SBNO2: variants seen among roughly 807,000 people sequenced by gnomAD.
SBNO2 encodes the protein protein strawberry notch homolog 2.
Under a neutral mutation model 146.3 loss-of-function variants are expected in SBNO2, and 89 were observed. The observed-to-expected ratio is 0.61, with a 90% confidence interval of 0.51 to 0.73. SBNO2 has a LOEUF of 0.73. Among genes scored for constraint, SBNO2 ranks in the 30% least tolerant of loss-of-function variants. The pLI, the probability that SBNO2 is intolerant of heterozygous loss-of-function variation, is 0.00. For missense variants in SBNO2, 2,092 were observed against 2,003.7 expected (o/e 1.04, Z -0.84); for synonymous variants, 1,147 against 892.6 (o/e 1.29, Z -5.08).
rs1194336545 is a variant in SBNO2, at chr19:1,111,852, G to C, written c.2700+144C>G. ...CCCCTAGAAGCCCCCTTCCCCCCTG[G>C]GGGTCCTAGACCCGGCCCTCCTCCA... On this transcript the variant is annotated intron_variant, in intron 23 of 31. Transcript: ENST00000361757. 4.4e-5 allele frequency: 38 copies of C among 867,616 alleles called. No individual in the cohort carries two copies. In the Admixed American group the frequency reaches 9.6e-4, roughly 22 times the overall value. 53.7% of individuals were successfully genotyped at this position (867,616 alleles called of 1,614,324 possible). A position where few individuals can be genotyped will look rare whatever the true frequency, so the allele number is the denominator to read the frequency against.
In SBNO2 at chr19:1,108,317, TC is replaced by T; in HGVS notation, c.4003del (p.Glu1335ArgfsTer18). On this transcript the variant is annotated frameshift_variant, in exon 32 of 32. Transcript: ENST00000361757. LOFTEE classifies it low-confidence loss of function (END_TRUNC). ...AGPPSEGALGEGAGAGGAAGG... is the reference protein window; with the variant it reads ...AGPPSEGALGXGAGAGGAAGG... ...CGCCGCGCCCCCCGCCCCCGCGCCC[TC>T]CCCCAGCGCGCCCTCGGAGGGCGGC... 1 of 1,413,990 alleles carries T rather than the reference TC, an allele frequency of 7.1e-7. No individual in the cohort carries two copies. The highest frequency in any genetic ancestry group is 9.3e-7 in the Non-Finnish European group (1 of 1,075,812). The allele number at this position is 1,413,990 out of a possible 1,614,324, so 87.6% of individuals were successfully genotyped here.
chr19:1,147,950 G>A (rs770056245), intron 3 of SBNO2, among the ~76,000 whole-genome samples: 9 of 151,848 alleles, frequency 5.9e-5, no homozygotes, highest in East Asian at 1.9e-4. Flanking sequence ...GGGGCCCCCC[G>A]CCCAGGGGCG....
intron 4 of SBNO2, chr19:1,132,273 T>C: frequency 1.5e-6 from 2 of 1,313,168 alleles, no homozygotes; most frequent in Non-Finnish European, 1.9e-6. Flanking sequence ...CATTTGCATG[T>C]CGGTTTAGTC....
intron 4 of SBNO2, among the ~76,000 whole-genome samples, chr19:1,145,642 C>T (rs1046125491): frequency 2.0e-5 from 3 of 152,130 alleles, no homozygotes; most frequent in African/African-American, 7.2e-5. Context: ...ATCAGTCGCA[C>T]CCCGGGCTCC....
At chr19:1,123,133 G>A (rs372964626) in intron 7 of SBNO2, 88 bp from the exon 8 acceptor site, 5 of 1,462,744 alleles carry the variant, frequency 3.4e-6, no homozygotes, top group African/African-American at 2.8e-5. Context: ...GGTCTGGGGC[G>A]TGGCCAGAGC....
In SBNO2 at chr19:1,136,528, CG is replaced by C. The variant is rs1198802231; in HGVS notation, c.280-8764del. ...GGCCCTGGGCGGAGGCTCCTCCTCCCGGGGGGGCTGTGGCCTCAGCACAGAC... is the reference window on the plus strand; with the variant it reads ...GGCCCTGGGCGGAGGCTCCTCCTCCCGGGGGGCTGTGGCCTCAGCACAGAC... On this transcript the variant is annotated intron_variant, in intron 4 of 31. Transcript: ENST00000361757. The surrounding 1 kb of genome is among the most constrained non-coding windows in gnomAD (Gnocchi z 4.2). Among the ~76,000 whole-genome samples, 1 of 152,174 alleles carries C rather than the reference CG, an allele frequency of 6.6e-6. No individual in the cohort carries two copies. Among genetic ancestry groups the C allele is most frequent in the Non-Finnish European group, 1.5e-5 (1 of 68,018 alleles).
intron 24 of SBNO2, 53 bp from the exon 25 acceptor site, chr19:1,111,146 GA>G (rs956522746): frequency 4.2e-5 from 63 of 1,516,632 alleles, no homozygotes; most frequent in Non-Finnish European, 5.2e-5. Flanking sequence ...CCCCTCCCTC[GA>G]AGCCCCTAGC....
chr19:1,154,145 G>A, intron 2 of SBNO2, 39 bp downstream of exon 2: 21 of 1,048,838 alleles, frequency 2.0e-5, no homozygotes, highest in Non-Finnish European at 2.6e-5. Context: ...AGTGCCCGTG[G>A]ACCCCGTCGG....
At position 1,110,258 on chromosome 19, in the gene SBNO2, G is replaced by A. The variant is rs1444064193; in HGVS notation, c.3029-481C>T. On this transcript the variant is annotated intron_variant, in intron 26 of 31. Transcript: ENST00000361757. The surrounding 1 kb of genome is among the most constrained non-coding windows in gnomAD (Gnocchi z 4.9). ...GACCCTCATCTGGACACAGGGAAGT[G>A]GTCCTGATGGACAGGCCTGGCCCCA... Among the ~76,000 whole-genome samples the A allele has an allele frequency of 5.3e-5, 8 of 152,172 alleles. No individual in the cohort carries two copies. Among genetic ancestry groups the A allele is most frequent in the Admixed American group, 5.2e-4 (8 of 15,284 alleles).
At chr19:1,117,567 C>A in intron 14 of SBNO2, 68 bp from the exon 15 acceptor site, 1 of 1,474,134 alleles carries the variant, frequency 6.8e-7, no homozygotes, top group Non-Finnish European at 9.0e-7. Flanking sequence ...CCCCGGCCCA[C>A]CTGCCGCCAG....
rs973802180 is a variant in SBNO2, at chr19:1,140,788, T to G, written c.279+6521A>C. Among the ~76,000 whole-genome samples the G allele has an allele frequency of 3.9e-5, 6 of 151,926 alleles. No homozygotes were observed. The highest frequency in any genetic ancestry group is 1.5e-4 in the African/African-American group (6 of 41,358). On this transcript the variant is annotated intron_variant, in intron 4 of 31. Transcript: ENST00000361757. This position sits in a 1 kb window ranked among gnomAD's most constrained non-coding sequence, Gnocchi z 4.4. ...GGCAGGACCAGCCTCTGCTCAGCCT[T>G]GGGTCTTCCCCCAGGCTGAGAGAAA...
At chr19:1,168,216 C>G (rs538464932) in intron 1 of SBNO2, among the ~76,000 whole-genome samples, 67 of 152,290 alleles carry the variant, frequency 4.4e-4, no homozygotes, top group African/African-American at 1.4e-3. Flanking sequence ...GTGCCCAGAC[C>G]TCAGGGCCAC....
chr19:1,160,601 C>G (rs899757272), intron 1 of SBNO2, among the ~76,000 whole-genome samples: 6 of 151,938 alleles, frequency 3.9e-5, no homozygotes, highest in African/African-American at 1.5e-4. Context: ...GGGGTCTCGG[C>G]TCACTGCAGC....
chr19:1,141,830 G>A (rs1003568506), intron 4 of SBNO2, among the ~76,000 whole-genome samples: 14 of 151,452 alleles, frequency 9.2e-5, no homozygotes, highest in African/African-American at 2.9e-4. Flanking sequence ...ACTATGTTGC[G>A]CAGGCTGGTC....
At chr19:1,161,966 C>G (rs570879127) in intron 1 of SBNO2, among the ~76,000 whole-genome samples, 3 of 141,178 alleles carry the variant, frequency 2.1e-5, no homozygotes, top group Non-Finnish European at 4.6e-5. Context: ...TACAGCTTCC[C>G]CAGCAGCCGG....
rs1478511584 is a variant in SBNO2, at chr19:1,109,274, C to A, written c.3348+18G>T. The A allele has an allele frequency of 6.3e-7, 1 of 1,584,312 alleles. No homozygotes were observed. The stretch of plus-strand genomic sequence containing the variant: ...GGGCCGGCAACCCGAGCGAAAGCTG[C>A]GCCCGGCGGCCGCCTACCCGGTGGA... On this transcript the variant is annotated intron_variant, in intron 29 of 31. Coordinates refer to ENST00000361757, the MANE Select transcript of SBNO2 (RefSeq NM_014963.3). The surrounding 1 kb of genome is among the most constrained non-coding windows in gnomAD (Gnocchi z 4.2).
chr19:1,164,720 CAGGAAG>C (rs139814606), intron 1 of SBNO2, among the ~76,000 whole-genome samples: 3 of 3,148 alleles, frequency 9.5e-4, no homozygotes, highest in Admixed American at 3.7e-3. Flanking sequence ...GGAGGAGGAA[CAGGAAG>C]AGGAGGAGGA....
chr19:1,132,162 C>G, intron 4 of SBNO2: 1 of 1,457,840 alleles, frequency 6.9e-7, no homozygotes, highest in Non-Finnish European at 9.0e-7. Context: ...GGCCAGGGGT[C>G]CCCCAGGAAG....
intron 4 of SBNO2, among the ~76,000 whole-genome samples, chr19:1,132,891 G>A (rs957481142): frequency 1.3e-5 from 2 of 152,222 alleles, no homozygotes; most frequent in East Asian, 3.8e-4. Flanking sequence ...AGGAACAAGT[G>A]GTAGCGTCCT....
Sources: gnomAD v4.1 joint callset for allele counts (sites outside exome capture counted in the v4.1 genomes callset) on GRCh38, gnomAD v4.1.1 for gene constraint, Gnocchi (gnomAD v3.1) non-coding constraint, MANE v1.5 for transcripts, NCBI Gene and HGNC (gene_info 2026-07-23, HGNC 2026-07-21) for gene names.